The following USP9X variants were observed in gnomAD, a reference collection of about 807,000 sequenced individuals.
USP9X encodes the protein ubiquitin carboxyl-terminal hydrolase 9X.
In USP9X, 7 loss-of-function variants were observed where a neutral mutation model predicts 190.3. That is an observed-to-expected ratio of 0.04 (90% CI 0.02 to 0.07). The LOEUF is 0.07. USP9X is among the 10% of genes least tolerant of loss of function. The probability of loss-of-function intolerance (pLI) is 1.00; values close to 1 mark genes in which losing one functional copy is unlikely to be tolerated. For missense variants in USP9X, 1,010 were observed against 1,916.9 expected, an observed-to-expected ratio of 0.53 and a Z score of 8.83; for synonymous variants, 645 against 659.5, an observed-to-expected ratio of 0.98 and a Z score of 0.34.
At chrX:41,128,673 C>T (rs1315183731) in intron 2 of USP9X, among the ~76,000 whole-genome samples, 1 of 111,959 alleles carries the variant, frequency 8.9e-6, no homozygotes, top group African/African-American at 3.2e-5. Context: ...ATAACTCATG[C>T]ACATCTTTCT....
intron 14 of USP9X, among the ~76,000 whole-genome samples, chrX:41,154,981 C>T (rs780727854): frequency 8.9e-6 from 1 of 111,988 alleles, no homozygotes; most frequent in Admixed American, 9.5e-5. Flanking sequence ...GTAACATCCA[C>T]TAACATTTCT....
chrX:41,153,109 T>TG, intron 14 of USP9X, 28 bp downstream of exon 14: 1 of 1,171,997 alleles, frequency 8.5e-7, no homozygotes, highest in African/African-American at 1.8e-5. Context: ...AAATAAACTA[T>TG]GGGAAATAGC....
Position 41,236,305 on chromosome X carries a change from C to T in USP9X, c.*3781C>T, listed in dbSNP as rs1244835438. The T allele has an allele frequency of 8.9e-6, 1 of 112,072 alleles. No homozygotes were observed. The highest frequency in any genetic ancestry group is 1.9e-5 in the Non-Finnish European group (1 of 53,195). The allele number at this position is 112,072 out of a possible 1,213,427, so 9.2% of individuals were successfully genotyped here. ...AAGTGCTAAGTGTATTGAGAATTTGCTGCTGATTGTATTTATAACAATTAC... is the reference window on the plus strand; with the variant it reads ...AAGTGCTAAGTGTATTGAGAATTTGTTGCTGATTGTATTTATAACAATTAC... On this transcript the variant is annotated 3_prime_UTR_variant, in exon 45 of 45. Transcript: ENST00000378308.
rs1481886281 is a variant in USP9X at position 41,091,589 on chromosome X, T to C, written c.-159+5480T>C. 2.7e-5 allele frequency among the ~76,000 whole-genome samples: 3 copies of C among 112,440 alleles called. No homozygotes were observed. The Admixed American group carries it at 2.8e-4, about 11-fold the overall frequency. ...ACATTTAGTAACTGTTGGATGAATATAGTTTATCACATTCTTGCTATTTTA... is the reference window on the plus strand; with the variant it reads ...ACATTTAGTAACTGTTGGATGAATACAGTTTATCACATTCTTGCTATTTTA... On this transcript the variant is annotated intron_variant, in intron 1 of 44. Coordinates refer to ENST00000378308, the MANE Select transcript of USP9X (RefSeq NM_001039591.3).
intron 35 of USP9X, 152 bp from the exon 36 acceptor site, chrX:41,217,068 T>A: frequency 3.1e-6 from 2 of 654,618 alleles, no homozygotes; most frequent in Non-Finnish European, 4.3e-6. Flanking sequence ...CTCAAAAAAA[T>A]AAAATAAAAA....
At chrX:41,112,881 G>A (rs979187601) in intron 1 of USP9X, among the ~76,000 whole-genome samples, 1 of 112,505 alleles carries the variant, frequency 8.9e-6, no homozygotes, top group Non-Finnish European at 1.9e-5. Flanking sequence ...ATGTGTTTTC[G>A]ATTGAGGCAC....
At chrX:41,194,932 T>C (rs746451254) in intron 26 of USP9X, among the ~76,000 whole-genome samples, 1 of 111,793 alleles carries the variant, frequency 8.9e-6, no homozygotes, top group Non-Finnish European at 1.9e-5. Context: ...CATAACAGTT[T>C]TTAAAAAAGA....
intron 14 of USP9X, among the ~76,000 whole-genome samples, chrX:41,153,330 A>T (rs1247588502): frequency 9.0e-6 from 1 of 111,420 alleles, no homozygotes; most frequent in African/African-American, 3.3e-5. Context: ...TTTACGATTG[A>T]TCGCTACCTT....
chrX:41,089,903 G>GTTTT (rs139093155), intron 1 of USP9X, among the ~76,000 whole-genome samples: 5 of 30,356 alleles, frequency 1.6e-4, no homozygotes, highest in African/African-American at 6.9e-4. Context: ...ATCTATGAGG[G>GTTTT]TTTTTTTTTT....
chrX:41,105,694 C>T (rs778987226), intron 1 of USP9X, among the ~76,000 whole-genome samples: 1 of 111,973 alleles, frequency 8.9e-6, no homozygotes, highest in African/African-American at 3.2e-5. Context: ...TATGTAAATT[C>T]TGTGTTTAAC....
intron 1 of USP9X, among the ~76,000 whole-genome samples, chrX:41,094,857 G>T (rs1209696259): frequency 9.2e-6 from 1 of 108,359 alleles, no homozygotes; most frequent in East Asian, 2.9e-4. Context: ...TGGCCAACAT[G>T]GTGAGACCCC....
chrX:41,218,351 G>A (rs1386885088), intron 36 of USP9X, 21 bp from the exon 37 acceptor site: 37 of 1,198,403 alleles, frequency 3.1e-5, no homozygotes, highest in Non-Finnish European at 3.8e-5. Context: ...AATAGTCATA[G>A]GTTTTTTTGT....
At chrX:41,197,310 T>C in intron 28 of USP9X, 54 bp from the exon 29 acceptor site, 1 of 935,497 alleles carries the variant, frequency 1.1e-6, no homozygotes, top group Non-Finnish European at 1.5e-6. Context: ...CTCCCTTTCA[T>C]AAGCTAGACA....
At chrX:41,126,961 C>T (rs763788863) in intron 2 of USP9X, among the ~76,000 whole-genome samples, 2 of 110,654 alleles carry the variant, frequency 1.8e-5, no homozygotes, top group Non-Finnish European at 3.8e-5. Context: ...TAGTAAAACT[C>T]GATAAATGAA....
At chrX:41,140,847 C>T (rs2062416439) in intron 7 of USP9X, 76 bp downstream of exon 7, 1 of 1,086,505 alleles carries the variant, frequency 9.2e-7, no homozygotes, top group Non-Finnish European at 1.2e-6. Flanking sequence ...TTGAGTTTTT[C>T]AAGTGTGGTT....
At chrX:41,173,786 G>C (rs113950823) in intron 21 of USP9X, among the ~76,000 whole-genome samples, 14,639 of 111,150 alleles carry the variant, frequency 0.13, 876 homozygotes, top group East Asian at 0.22. Flanking sequence ...AAACATTGTT[G>C]AAAGTTCCAA....
chrX:41,214,547 C>T (rs1602044247), intron 33 of USP9X, 21 bp from the exon 34 acceptor site: 1 of 1,141,658 alleles, frequency 8.8e-7, no homozygotes, highest in Admixed American at 3.2e-5. Context: ...GGGATAAATC[C>T]TTTTTTTAAA....
In USP9X at chrX:41,131,531, A is replaced by G. The variant is rs2062317321; in HGVS notation, c.317A>G (p.Lys106Arg). The change falls in exon 4 of 45, where the codon AAA becomes AGA. Residue 106 changes from lysine (K) to arginine (R), a missense_variant. Coordinates refer to ENST00000378308, the MANE Select transcript of USP9X (RefSeq NM_001039591.3). ...VLLEAAIDLS[K>R]KGLDVKSEAC... ...TTAGAAGCTGCTATTGATCTTAGTAAAAAGGGTAAGTTATATGTTTTTATG... is the reference window on the plus strand; with the variant it reads ...TTAGAAGCTGCTATTGATCTTAGTAGAAAGGGTAAGTTATATGTTTTTATG... 1 of 1,203,872 alleles carries G rather than the reference A, an allele frequency of 8.3e-7. No individual in the cohort carries two copies. The highest frequency in any genetic ancestry group is 1.1e-6 in the Non-Finnish European group (1 of 889,791).
intron 26 of USP9X, among the ~76,000 whole-genome samples, chrX:41,192,028 TCTGGACCCATTGC>T (rs1201142499): frequency 3.3e-4 from 37 of 111,509 alleles, no homozygotes; most frequent in African/African-American, 1.2e-3. Context: ...ATCTAAGCAG[TCTGGACCCATTGC>T]CTGGACAATC....
Sources: gnomAD v4.1 joint callset for allele counts (sites outside exome capture counted in the v4.1 genomes callset) on GRCh38, gnomAD v4.1.1 for gene constraint, MANE v1.5 for transcripts, NCBI Gene and HGNC (gene_info 2026-07-23, HGNC 2026-07-21) for gene names.